EML1: variants seen among roughly 807,000 people sequenced by gnomAD.
EML1 encodes the protein EMAP like 1, also known as echinoderm microtubule-associated protein-like 1.
In EML1, 27 loss-of-function variants were observed where a neutral mutation model predicts 110.4. The ratio of observed to expected loss-of-function variants is 0.24; its 90% CI spans 0.18 to 0.34. EML1 has a LOEUF of 0.34. EML1 is among the 10% of genes least tolerant of loss of function. The pLI is 1.00. For missense variants in EML1, 741 were observed against 1,030.9 expected (o/e 0.72, Z 3.85); for synonymous variants, 344 against 385.8 (o/e 0.89, Z 1.27).
rs111367227 is a variant in EML1 at position 99,902,737 on chromosome 14, A to C, written c.1008+1698A>C. On this transcript the variant is annotated intron_variant, in intron 9 of 21. Coordinates refer to ENST00000262233, the MANE Select transcript of EML1 (RefSeq NM_004434.3). The stretch of plus-strand genomic sequence containing the variant: ...AGCCCAGCCATAGGTTTATATTCTC[A>C]AATACCTATGGGTTGGGTAAATTCC... 1.7e-3 allele frequency among the ~76,000 whole-genome samples: 263 copies of C among 152,284 alleles called. 2 individuals are homozygous for C. The highest frequency in any genetic ancestry group is 0.012 in the South Asian group (56 of 4,812).
chr14:99,793,120 A>T (rs1236256605), upstream of EML1, among the ~76,000 whole-genome samples: 1 of 147,760 alleles, frequency 6.8e-6, no homozygotes, highest in Non-Finnish European at 1.5e-5. Flanking sequence ...GGGCCTGGCC[A>T]AGGGGACAGC....
At chr14:99,879,505 GC>G (rs1337119315) in intron 4 of EML1, among the ~76,000 whole-genome samples, 6 of 152,066 alleles carry the variant, frequency 3.9e-5, no homozygotes, top group Non-Finnish European at 8.8e-5. Flanking sequence ...CAACCCACAG[GC>G]TATAAAACTT....
intron 1 of EML1, among the ~76,000 whole-genome samples, chr14:99,738,208 G>A (rs1014764942): frequency 1.3e-5 from 2 of 152,222 alleles, no homozygotes; most frequent in African/African-American, 4.8e-5. Flanking sequence ...CACTGGAACC[G>A]CATGCAGACG....
intron 1 of EML1, among the ~76,000 whole-genome samples, chr14:99,803,020 C>G (rs781207348): frequency 2.0e-5 from 3 of 152,100 alleles, no homozygotes; most frequent in Non-Finnish European, 4.4e-5. Context: ...TAGTATAAAC[C>G]TCTGTCATCA....
chr14:99,901,723 G>A (rs1208051963), intron 9 of EML1, among the ~76,000 whole-genome samples: 2 of 152,234 alleles, frequency 1.3e-5, no homozygotes, highest in East Asian at 3.9e-4. Context: ...CACTCTTGTC[G>A]CCATCTTGGT....
At chr14:99,746,444 G>A (rs1379624479) in intron 1 of EML1, among the ~76,000 whole-genome samples, 1 of 152,192 alleles carries the variant, frequency 6.6e-6, no homozygotes, top group African/African-American at 2.4e-5. Flanking sequence ...GCCCAGCTAT[G>A]TGGCGGAAGC....
chr14:99,828,479 A>G (rs1457969667), intron 1 of EML1, among the ~76,000 whole-genome samples: 1 of 152,170 alleles, frequency 6.6e-6, no homozygotes, highest in Non-Finnish European at 1.5e-5. Context: ...TCAAAGCTCA[A>G]GAGTAGTGAT....
intron 17 of EML1, among the ~76,000 whole-genome samples, chr14:99,932,759 G>A (rs1274581889): frequency 6.6e-6 from 1 of 152,058 alleles, no homozygotes; most frequent in African/African-American, 2.4e-5. Flanking sequence ...ATTGTGGGAT[G>A]ATGTTGTAAC....
At chr14:99,794,383 G>A (rs1489417093) in intron 1 of EML1, among the ~76,000 whole-genome samples, 1 of 150,982 alleles carries the variant, frequency 6.6e-6, no homozygotes, top group Non-Finnish European at 1.5e-5. Context: ...CCATCAAAGG[G>A]CCCCAAAAGT....
intron 1 of EML1, among the ~76,000 whole-genome samples, chr14:99,847,310 C>T (rs1326636015): frequency 3.3e-5 from 5 of 152,080 alleles, no homozygotes; most frequent in Non-Finnish European, 5.9e-5. Flanking sequence ...TAAGTCAACA[C>T]GGTTTATAGT....
At chr14:99,793,353 A>G (rs1352210275), upstream of EML1, 2 of 986,204 alleles carry the variant, frequency 2.0e-6, no homozygotes, top group East Asian at 2.2e-4. Context: ...AACCGGCAGC[A>G]GCAGCCGCCA....
chr14:99,851,078 C>G, intron 2 of EML1, 43 bp downstream of exon 2: 1 of 1,577,442 alleles, frequency 6.3e-7, no homozygotes, highest in Non-Finnish European at 8.6e-7. Context: ...GAATTGGTCT[C>G]GTGGCAGAAT....
chr14:99,750,979 C>A (rs549814145), intron 1 of EML1, among the ~76,000 whole-genome samples: 23 of 152,162 alleles, frequency 1.5e-4, no homozygotes, highest in Non-Finnish European at 2.9e-4. Flanking sequence ...CCTCGGTTTC[C>A]CCCCCTGTGA....
chr14:99,826,194 C>T (rs2058351207), intron 1 of EML1, among the ~76,000 whole-genome samples: 1 of 147,368 alleles, frequency 6.8e-6, no homozygotes, highest in African/African-American at 2.5e-5. Context: ...CTCACTGCAA[C>T]CTCCTCCTCC....
chr14:99,759,357 C>T (rs970529496), intron 1 of EML1, among the ~76,000 whole-genome samples: 1 of 152,232 alleles, frequency 6.6e-6, no homozygotes, highest in Non-Finnish European at 1.5e-5. Context: ...CTTAAAGCTG[C>T]TTCTCCCTCA....
chr14:99,932,454 A>G (rs2060388234), intron 17 of EML1, among the ~76,000 whole-genome samples: 1 of 151,854 alleles, frequency 6.6e-6, no homozygotes, highest in African/African-American at 2.4e-5. Context: ...CCTAGCCTAC[A>G]TGGTGAAACC....
rs1470400206 is a variant in EML1, at chr14:99,934,213, T to TGCAG, written c.1910-1812_1910-1809dup. ...CTGTTGCTGTCCAGGCATGGCCAGT[T>TGCAG]GCAGGCATTGAGTGCAGAGACGGTT... On this transcript the variant is annotated intron_variant, in intron 17 of 21. Transcript: ENST00000262233. 3.3e-5 allele frequency among the ~76,000 whole-genome samples: 5 copies of TGCAG among 152,394 alleles called. No homozygotes were observed. In the East Asian group the frequency reaches 9.6e-4, roughly 29 times the overall value.
At chr14:99,925,575 A>G (rs1236372040) in intron 17 of EML1, among the ~76,000 whole-genome samples, 1 of 152,216 alleles carries the variant, frequency 6.6e-6, no homozygotes, top group Non-Finnish European at 1.5e-5. Flanking sequence ...TGTAGTTTGA[A>G]TGAATGATTG....
At chr14:99,868,422 C>T (rs764500322) in intron 3 of EML1, among the ~76,000 whole-genome samples, 15 of 152,170 alleles carry the variant, frequency 9.9e-5, no homozygotes, top group Non-Finnish European at 1.9e-4. Context: ...ATAGAATTCT[C>T]CGCTGCAGCC....
Sources: allele counts gnomAD v4.1 joint callset (sites outside exome capture counted in the v4.1 genomes callset), GRCh38; gene constraint gnomAD v4.1.1; transcripts MANE v1.5; gene names NCBI Gene and HGNC (gene_info 2026-07-23, HGNC 2026-07-21).